Variants in SCUBE1 observed in about 807,000 individuals in gnomAD.
SCUBE1 encodes the protein signal peptide, CUB and EGF-like domain-containing protein 1.
In SCUBE1, 59 loss-of-function variants were observed where a neutral mutation model predicts 124.4. The observed-to-expected ratio is 0.47, with a 90% CI of 0.38 to 0.59. The LOEUF (loss-of-function observed/expected upper bound fraction) is 0.59, where lower values mean the gene tolerates loss of function less well. Among genes scored for constraint, SCUBE1 ranks in the 20% least tolerant of loss-of-function variants. The probability of loss-of-function intolerance (pLI) is 0.00; values close to 1 mark genes in which losing one functional copy is unlikely to be tolerated. For missense variants in SCUBE1, 1,150 were observed against 1,371.2 expected (o/e 0.84, Z 2.55); for synonymous variants, 545 against 550.9 (o/e 0.99, Z 0.15).
At chr22:43,206,874 G>A (rs916084216) in intron 21 of SCUBE1, among the ~76,000 whole-genome samples, 1 of 152,200 alleles carries the variant, frequency 6.6e-6, no homozygotes, top group Non-Finnish European at 1.5e-5. Context: ...ATCAGGAGCC[G>A]AGGGCGGCAG....
chr22:43,244,321 C>T (rs867067366), intron 6 of SCUBE1, among the ~76,000 whole-genome samples: 5 of 152,248 alleles, frequency 3.3e-5, no homozygotes, highest in Admixed American at 6.5e-5. Flanking sequence ...CACAGGGCAG[C>T]GCTGTCTGTG....
At position 43,211,782 on chromosome 22, in the gene SCUBE1, C is replaced by T. The variant is rs1921571502; in HGVS notation, c.2221+643G>A. On this transcript the variant is annotated intron_variant, in intron 17 of 21. Coordinates refer to ENST00000360835, the MANE Select transcript of SCUBE1 (RefSeq NM_173050.5). The surrounding 1 kb of genome is among the most constrained non-coding windows in gnomAD (Gnocchi z 4.5). ...CAGGTGATCCACCCCCTTTGGCCTCCCAAAGTGCTGGGATTATAGGTGTGT... is the reference window on the plus strand; with the variant it reads ...CAGGTGATCCACCCCCTTTGGCCTCTCAAAGTGCTGGGATTATAGGTGTGT... Among the ~76,000 whole-genome samples, 1 of 152,124 alleles carries T rather than the reference C, an allele frequency of 6.6e-6. No homozygotes were observed. The highest frequency in any genetic ancestry group is 6.5e-5 in the Admixed American group (1 of 15,280).
At chr22:43,308,785 C>T (rs1926068802) in intron 3 of SCUBE1, among the ~76,000 whole-genome samples, 1 of 152,268 alleles carries the variant, frequency 6.6e-6, no homozygotes, top group Non-Finnish European at 1.5e-5. Flanking sequence ...TTCTACCCCT[C>T]CACTTGGCAG....
intron 2 of SCUBE1, among the ~76,000 whole-genome samples, chr22:43,337,794 C>T (rs1276021550): frequency 1.3e-5 from 2 of 152,224 alleles, no homozygotes; most frequent in Admixed American, 6.5e-5. Flanking sequence ...GCCCTGTAAA[C>T]GCCTTATACA....
intron 4 of SCUBE1, among the ~76,000 whole-genome samples, chr22:43,277,925 G>C (rs1409398642): frequency 1.3e-5 from 2 of 152,262 alleles, no homozygotes; most frequent in African/African-American, 4.8e-5. Context: ...AGCCCTCTGG[G>C]TTGCAGCTCT....
At chr22:43,259,985 C>A (rs1392453479) in intron 5 of SCUBE1, among the ~76,000 whole-genome samples, 1 of 152,176 alleles carries the variant, frequency 6.6e-6, no homozygotes, top group Admixed American at 6.5e-5. Context: ...AGGAAGGAAC[C>A]CAGGGAAGCC....
At chr22:43,312,823 G>A (rs548223033) in intron 3 of SCUBE1, among the ~76,000 whole-genome samples, 3 of 152,148 alleles carry the variant, frequency 2.0e-5, no homozygotes, top group Non-Finnish European at 4.4e-5. Flanking sequence ...CCAAACTCAC[G>A]GATAGATACA....
chr22:43,279,492 C>T (rs1344958884), intron 4 of SCUBE1, among the ~76,000 whole-genome samples: 1 of 152,212 alleles, frequency 6.6e-6, no homozygotes, highest in Non-Finnish European at 1.5e-5. Context: ...GAAACTGAAC[C>T]CCTATTGCGG....
At chr22:43,339,964 C>A (rs866032538) in intron 1 of SCUBE1, among the ~76,000 whole-genome samples, 1 of 40,260 alleles carries the variant, frequency 2.5e-5, no homozygotes, top group Non-Finnish European at 4.5e-5. Flanking sequence ...CCTCATTCTA[C>A]CCCCCCCAAA....
intron 8 of SCUBE1, among the ~76,000 whole-genome samples, chr22:43,230,749 G>C (rs1331743633): frequency 6.6e-6 from 1 of 152,312 alleles, no homozygotes; most frequent in South Asian, 2.1e-4. Context: ...GCTGGCCTGG[G>C]GCACACATGA....
intron 19 of SCUBE1, 83 bp from the exon 20 acceptor site, chr22:43,208,307 C>A (rs1433335031): frequency 1.5e-5 from 19 of 1,310,038 alleles, no homozygotes; most frequent in Non-Finnish European, 2.1e-5. Context: ...TCCAGTCCAC[C>A]ACCCAGCACC....
intron 12 of SCUBE1, 39 bp from the exon 13 acceptor site, chr22:43,221,328 C>T: frequency 2.1e-6 from 3 of 1,398,708 alleles, no homozygotes; most frequent in South Asian, 2.3e-5. Flanking sequence ...GTGGCCTCTC[C>T]TGCAGGCAAG....
At chr22:43,262,301 A>C (rs917636271) in intron 5 of SCUBE1, among the ~76,000 whole-genome samples, 4 of 152,264 alleles carry the variant, frequency 2.6e-5, no homozygotes, top group Non-Finnish European at 5.9e-5. Context: ...TTGGTCCCGG[A>C]AAAAAGGTCA....
At chr22:43,329,528 G>T (rs1047358898) in intron 2 of SCUBE1, among the ~76,000 whole-genome samples, 2 of 152,266 alleles carry the variant, frequency 1.3e-5, no homozygotes, top group African/African-American at 4.8e-5. Flanking sequence ...ACTTCCCTCT[G>T]TACGAGAGGC....
intron 1 of SCUBE1, 150 bp from the exon 2 acceptor site, chr22:43,339,385 T>G: frequency 1.4e-6 from 1 of 716,574 alleles, no homozygotes; most frequent in Non-Finnish European, 2.3e-6. Context: ...CAATCTGGTG[T>G]GACAAGTGGC....
At position 43,262,804 on chromosome 22, in the gene SCUBE1, T is replaced by G; in HGVS notation, c.526A>C (p.Ile176Leu). The G allele has an allele frequency of 6.2e-7, 1 of 1,614,192 alleles. No homozygotes were observed. Among genetic ancestry groups the G allele is most frequent in the Non-Finnish European group, 8.5e-7 (1 of 1,180,022 alleles). ...CMNKDHGCAH[I>L]CRETPKGGVA... ...CCACCTTTGGGCGTCTCCCGGCAGA[T>G]GTGGGCACAGCCATGGTCTTTGTTC... Residue 176 changes from isoleucine (I) to leucine (L), a missense_variant, in exon 5 of 22, where the codon ATC becomes CTC. By Grantham distance (5) the Ile-to-Leu change is conservative (BLOSUM62 2). Coordinates refer to ENST00000360835, the MANE Select transcript of SCUBE1 (RefSeq NM_173050.5).
Position 43,222,847 on chromosome 22 carries a change from C to T in SCUBE1, c.1328-105G>A. The T allele has an allele frequency of 2.9e-6, 3 of 1,030,070 alleles. No homozygotes were observed. In the Middle Eastern group the frequency reaches 6.2e-4, roughly 212 times the overall value. 63.8% of individuals were successfully genotyped at this position (1,030,070 alleles called of 1,614,324 possible). On this transcript the variant is annotated intron_variant, in intron 11 of 21. Coordinates refer to ENST00000360835, the MANE Select transcript of SCUBE1 (RefSeq NM_173050.5). ...TTGTGGAGTGAGACGAAGATCAGGA[C>T]AGATTCTTCTGCCAGTTTCTGCTAC...
At chr22:43,231,710 C>A in intron 8 of SCUBE1, 43 bp downstream of exon 8, 1 of 1,536,100 alleles carries the variant, frequency 6.5e-7, no homozygotes, top group Admixed American at 2.0e-5. Context: ...GGGGCACGAT[C>A]CCGCTGGGCC....
chr22:43,263,395 T>C (rs1397868468), intron 4 of SCUBE1, among the ~76,000 whole-genome samples: 1 of 152,144 alleles, frequency 6.6e-6, no homozygotes, highest in Non-Finnish European at 1.5e-5. Context: ...AGGTCACAAG[T>C]CCATCAAGAG....
Sources: allele counts gnomAD v4.1 joint callset (sites outside exome capture counted in the v4.1 genomes callset), GRCh38; gene constraint gnomAD v4.1.1; non-coding constraint Gnocchi (gnomAD v3.1); transcripts MANE v1.5; gene names NCBI Gene and HGNC (gene_info 2026-07-23, HGNC 2026-07-21).